Variants in MUC5B observed in about 807,000 individuals in gnomAD.
MUC5B encodes mucin 5B, oligomeric mucus/gel-forming, also known as mucin-5B.
In MUC5B, 116 loss-of-function variants were observed where a neutral mutation model predicts 376.9. The ratio of observed to expected loss-of-function variants is 0.31; its 90% CI spans 0.26 to 0.36. The LOEUF (loss-of-function observed/expected upper bound fraction) is 0.36. MUC5B is among the 10% of genes least tolerant of loss of function. The pLI, the probability that MUC5B is intolerant of heterozygous loss-of-function variation, is 1.00. For synonymous variants in MUC5B, 3,517 were observed against 3,390.9 expected, an observed-to-expected ratio of 1.04 and a Z score of -1.29; for missense variants, 7,165 against 7,769.9, an observed-to-expected ratio of 0.92 and a Z score of 2.93.
chr11:1,232,329 G>T (rs1862046084), intron 15 of MUC5B, 121 bp from the exon 16 acceptor site: 2 of 1,355,876 alleles, frequency 1.5e-6, no homozygotes, highest in Admixed American at 4.2e-5. Flanking sequence ...CCCCCAAGGC[G>T]CAGCAGGTGA....
Position 1,253,103 on chromosome 11 carries a change from TGGTGGGGCA to T in MUC5B, c.15217+124_15217+132del. The T allele has an allele frequency of 6.7e-6, 3 of 444,760 alleles. No individual in the cohort carries two copies. The highest frequency in any genetic ancestry group is 6.5e-6 in the Non-Finnish European group (2 of 308,982). The allele number at this position is 444,760 out of a possible 1,614,324, so 27.6% of individuals were successfully genotyped here. A position where few individuals can be genotyped will look rare whatever the true frequency, so the allele number is the denominator to read the frequency against. On this transcript the variant is annotated intron_variant, in intron 33 of 48. Transcript: ENST00000529681. The surrounding 1 kb of genome is among the most constrained non-coding windows in gnomAD (Gnocchi z 4.3). Reference sequence around the variant, plus strand: ...GGGTGCAGTGGGGAATGGTGGGGCATGGTGGGGCATGGTGGGGTGCAGTGGGGCATGGTG... The same window carrying T: ...GGGTGCAGTGGGGAATGGTGGGGCATTGGTGGGGTGCAGTGGGGCATGGTG...
At position 1,260,383 on chromosome 11, in the gene MUC5B, C is replaced by T; in HGVS notation, c.16956C>T (p.Ser5652=). 1.9e-6 allele frequency: 3 copies of T among 1,612,560 alleles called. No individual in the cohort carries two copies. The highest frequency in any genetic ancestry group is 2.2e-5 in the South Asian group (2 of 91,090). ...GSLRKTGCCY[S]CEEDSCQVRI... ...TCAGGAAAACCGGCTGCTGCTACTC[C>T]TGTGAGGAGGGTAAGTGGAAGCCAC... is the stretch of plus-strand genomic sequence containing the variant. The change falls in exon 47 of 49, where the codon TCC becomes TCT. Residue 5652 remains serine, a synonymous_variant. Transcript: ENST00000529681.
chr11:1,242,499 C>T lies in MUC5B; in HGVS notation c.5619C>T (p.Asn1873=), dbSNP rs374068418. 1.3e-4 allele frequency: 206 copies of T among 1,613,694 alleles called. No individual in the cohort carries two copies. The highest frequency in any genetic ancestry group is 1.7e-4 in the Non-Finnish European group (196 of 1,179,816). The change falls in exon 31 of 49, where the codon AAC becomes AAT. Residue 1873 remains asparagine, a synonymous_variant. Transcript: ENST00000529681. ...TGRFNMCFNY[N]VRVLCCDDYS... is the part of the protein sequence containing the mutation. ...GGTTCAACATGTGCTTCAACTACAA[C>T]GTGCGTGTGCTTTGCTGTGACGACT... is the stretch of plus-strand genomic sequence containing the variant.
At position 1,241,495 on chromosome 11, in the gene MUC5B, C is replaced by T. The variant is rs777169961; in HGVS notation, c.4615C>T (p.His1539Tyr). The part of the protein sequence containing the change: ...SYDKIRAAGG[H>Y]LCQQPKDIEC... ...CGATAAGATCAGGGCCGCTGGAGGG[C>T]ACTTATGCCAGCAGCCTAAGGACAT... The change falls in exon 31 of 49, where the codon CAC becomes TAC. Residue 1539 changes from histidine to tyrosine, a missense_variant. Transcript: ENST00000529681. 9.3e-6 allele frequency: 15 copies of T among 1,613,694 alleles called. No individual in the cohort carries two copies. Among genetic ancestry groups the T allele is most frequent in the Admixed American group, 1.7e-5 (1 of 60,002 alleles).
At chr11:1,229,450 G>T in intron 9 of MUC5B, 155 bp downstream of exon 9, 1 of 999,132 alleles carries the variant, frequency 1.0e-6, no homozygotes, top group Non-Finnish European at 1.4e-6. Flanking sequence ...GGAGGGTGCC[G>T]GAAGACCTGC....
Position 1,243,965 on chromosome 11 carries a change from C to A in MUC5B, c.7085C>A (p.Ala2362Asp). Residue 2362 changes from alanine (A) to aspartate (D), a missense_variant, in exon 31 of 49, where the codon GCC becomes GAC. Ala to Asp is a moderately radical substitution (Grantham distance 126). Transcript: ENST00000529681. ...CAGCCCCTGGGCCTCGAGTGCCGTG[C>A]CCAGGCCCAGCCTGGTGTCCCCCTG... is the stretch of plus-strand genomic sequence containing the variant. ...CEQPLGLECR[A>D]QAQPGVPLRE... 1 of 1,604,926 alleles carries A rather than the reference C, an allele frequency of 6.2e-7. No homozygotes were observed. Among genetic ancestry groups the A allele is most frequent in the South Asian group, 1.1e-5 (1 of 90,804 alleles).
Position 1,255,134 on chromosome 11 carries a change from C to A in MUC5B, c.15758C>A (p.Pro5253His). ...CKDMAKTWLV[P>H]DSRKDGCWAP... ...GACATGGCCAAGACGTGGCTGGTCCCCGACAGCAGAAAGGATGGCTGCTGG... is the reference window on the plus strand; with the variant it reads ...GACATGGCCAAGACGTGGCTGGTCCACGACAGCAGAAAGGATGGCTGCTGG... Residue 5253 changes from proline (P) to histidine (H), a missense_variant, in exon 36 of 49, where the codon CCC becomes CAC. By Grantham distance (77) the Pro-to-His change is moderately conservative (BLOSUM62 -2). Transcript: ENST00000529681. 6.3e-7 allele frequency: 1 copy of A among 1,576,830 alleles called. No individual in the cohort carries two copies. Among genetic ancestry groups the A allele is most frequent in the East Asian group, 2.4e-5 (1 of 42,400 alleles).
At position 1,226,292 on chromosome 11, in the gene MUC5B, C is replaced by A; in HGVS notation, c.199+16C>A. 6.4e-7 allele frequency: 1 copy of A among 1,550,962 alleles called. No homozygotes were observed. Among genetic ancestry groups the A allele is most frequent in the Non-Finnish European group, 8.7e-7 (1 of 1,148,152 alleles). On this transcript the variant is annotated intron_variant, in intron 3 of 48. Coordinates refer to ENST00000529681, the MANE Select transcript of MUC5B (RefSeq NM_002458.3). The stretch of plus-strand genomic sequence containing the variant: ...AGCCTGAGCCGTAAGCAGATGCTGC[C>A]CCTGCCAGCCGGGAAGGGGGTGTTT...
rs781096535 is a variant in MUC5B, at chr11:1,260,698, T to C, written c.17039T>C (p.Phe5680Ser). Residue 5680 changes from phenylalanine (F) to serine (S), a missense_variant, in exon 48 of 49, where the codon TTC (phenylalanine) becomes TCC (serine). By Grantham distance (155) the Phe-to-Ser change is radical (BLOSUM62 -2). Coordinates refer to ENST00000529681, the MANE Select transcript of MUC5B (RefSeq NM_002458.3). ...TGCGAGACCGAGGTCAACATCACCT[T>C]CTGCGAGGGCTCCTGCCCCGGAGCG... ...QGCETEVNIT[F>S]CEGSCPGASK... 4.3e-6 allele frequency: 7 copies of C among 1,612,082 alleles called. No individual in the cohort carries two copies. The highest frequency in any genetic ancestry group is 8.5e-7 in the Non-Finnish European group (1 of 1,179,664).
chr11:1,250,632 C>T lies in MUC5B; in HGVS notation c.13752C>T (p.Thr4584=). 6.2e-7 allele frequency: 1 copy of T among 1,612,700 alleles called. No individual in the cohort carries two copies. The highest frequency in any genetic ancestry group is 1.7e-4 in the Middle Eastern group (1 of 6,048). The stretch of plus-strand genomic sequence containing the variant: ...GCTCTGTGGCCACCCCCTCCTCCAC[C>T]CCAGGAACAGCTCACACTACCAAAG... The part of the protein sequence containing the change: ...ATGSVATPSS[T]PGTAHTTKVP... The change falls in exon 31 of 49, where the codon ACC becomes ACT. Residue 4584 remains threonine, a synonymous_variant. Transcript: ENST00000529681.
At chr11:1,239,350 G>A (rs1862226142) in intron 26 of MUC5B, 88 bp from the exon 27 acceptor site, 8 of 1,481,770 alleles carry the variant, frequency 5.4e-6, no homozygotes, top group Admixed American at 2.2e-5. Context: ...TGGGGACACC[G>A]GCCCCCACGC....
rs562880615 is a variant in MUC5B, at chr11:1,241,253, C to G, written c.4373C>G (p.Thr1458Ser). The change falls in exon 31 of 49, where the codon ACC (threonine) becomes AGC (serine). Residue 1458 changes from threonine to serine, a missense_variant. This residue lies in a region of MUC5B where 517 missense variants were observed against 545.3 expected (regional missense o/e 0.95). Transcript: ENST00000529681. ...ACGGAGCCTGCTGTGCCTACCCCAA[C>G]CCAGACCACAGCAACCGAAAAGACC... ...ASTEPAVPTP[T>S]QTTATEKTTL... The G allele has an allele frequency of 3.3e-5, 53 of 1,593,498 alleles. No individual in the cohort carries two copies. The highest frequency in any genetic ancestry group is 2.5e-4 in the Admixed American group (14 of 56,694).
intron 27 of MUC5B, 102 bp from the exon 28 acceptor site, chr11:1,239,697 C>T: frequency 6.7e-7 from 1 of 1,492,454 alleles, no homozygotes; most frequent in Non-Finnish European, 8.9e-7. Context: ...AGGGCAGGCC[C>T]CTGCTGGCTG....
chr11:1,261,603 G>T lies in MUC5B; in HGVS notation c.17284G>T (p.Val5762Phe). 6.2e-7 allele frequency: 1 copy of T among 1,602,566 alleles called. No individual in the cohort carries two copies. The highest frequency in any genetic ancestry group is 8.5e-7 in the Non-Finnish European group (1 of 1,175,780). The change falls in exon 49 of 49, where the codon GTC becomes TTC. Residue 5762 changes from valine to phenylalanine, a missense_variant. Around this residue, in one of 31 missense-constraint regions of MUC5B, gnomAD observed 842 missense variants for 1,016.9 expected, o/e 0.83. Transcript: ENST00000529681. The part of the protein sequence containing the change: ...RGFPAQEATA[V>F] ...CTTCCCGGCCCAGGAGGCCACTGCTGTCTGAGAACGTTCTGCCTCCATCCC... is the reference window on the plus strand; with the variant it reads ...CTTCCCGGCCCAGGAGGCCACTGCTTTCTGAGAACGTTCTGCCTCCATCCC...
Position 1,243,010 on chromosome 11 carries a change from G to A in MUC5B, c.6130G>A (p.Gly2044Arg). Residue 2044 changes from glycine (G) to arginine (R), a missense_variant, in exon 31 of 49, where the codon GGA becomes AGA. Gly to Arg is a moderately radical substitution (Grantham distance 125). Transcript: ENST00000529681. The part of the protein sequence containing the change: ...GSVATPSSTP[G>R]TAHTTKVPTT... ...TGTGGCCACCCCCTCCTCCACCCCA[G>A]GAACAGCTCACACTACCAAAGTGCC... 5 of 1,612,252 alleles carry A rather than the reference G, an allele frequency of 3.1e-6. No individual in the cohort carries two copies. Among genetic ancestry groups the A allele is most frequent in the Non-Finnish European group, 4.2e-6 (5 of 1,179,326 alleles).
At chr11:1,224,419 C>T (rs530020290) in intron 1 of MUC5B, among the ~76,000 whole-genome samples, 50 of 142,370 alleles carry the variant, frequency 3.5e-4, no homozygotes, top group African/African-American at 1.1e-3. Context: ...GGGCACTGCA[C>T]GGAGCAGATA....
intron 23 of MUC5B, 115 bp downstream of exon 23, chr11:1,235,528 C>A: frequency 1.1e-6 from 1 of 891,684 alleles, no homozygotes; most frequent in Non-Finnish European, 1.8e-6. Flanking sequence ...GTCCTGGCCC[C>A]GGGCTGCTGT....
rs1195245683 is a variant in MUC5B, at chr11:1,234,761, G to A, written c.2630+81G>A. 7 of 838,726 alleles carry A rather than the reference G, an allele frequency of 8.3e-6. No individual in the cohort carries two copies. In the African/African-American group the frequency reaches 1.0e-4, roughly 13 times the overall value. The allele number at this position is 838,726 out of a possible 1,614,324, so 52.0% of individuals were successfully genotyped here. A position where few individuals can be genotyped will look rare whatever the true frequency, so the allele number is the denominator to read the frequency against. On this transcript the variant is annotated intron_variant, in intron 21 of 48. Transcript: ENST00000529681. This position sits in a 1 kb window ranked among gnomAD's most constrained non-coding sequence, Gnocchi z 6.3. Reference sequence around the variant, plus strand: ...AGCGGGTGGGGAGGCAGCGGGCAGGGAGGGCAGGGGGCGGGGAGGGCAGGG... The same window carrying A: ...AGCGGGTGGGGAGGCAGCGGGCAGGAAGGGCAGGGGGCGGGGAGGGCAGGG...
rs777390007 is a variant in MUC5B, at chr11:1,258,327, C to CA, written c.16556-2dup. On this transcript the variant is annotated splice_region_variant and splice_polypyrimidine_tract_variant and intron_variant, in intron 42 of 48. Transcript: ENST00000529681. The surrounding 1 kb of genome is among the most constrained non-coding windows in gnomAD (Gnocchi z 5.5). ...TCGAGGGCTTAGCTCCCTTTCCTTC[C>CA]AGGACCTCAGCTGTGTTCGTACAAT... The CA allele has an allele frequency of 1.2e-6, 2 of 1,611,974 alleles. No individual in the cohort carries two copies. Among genetic ancestry groups the CA allele is most frequent in the Non-Finnish European group, 1.7e-6 (2 of 1,179,518 alleles).
Sources: allele counts gnomAD v4.1 joint callset (sites outside exome capture counted in the v4.1 genomes callset), GRCh38; gene constraint gnomAD v4.1.1; regional missense constraint gnomAD v4.1.1; non-coding constraint Gnocchi (gnomAD v3.1); transcripts MANE v1.5; gene names NCBI Gene and HGNC (gene_info 2026-07-23, HGNC 2026-07-21).